CDH10: variants seen among roughly 807,000 people sequenced by gnomAD.
CDH10 encodes the protein cadherin 10.
In CDH10, 30 loss-of-function variants were observed where a neutral mutation model predicts 73.1. The ratio of observed to expected loss-of-function variants is 0.41; its 90% CI spans 0.31 to 0.56. The LOEUF is 0.56. Ranked by LOEUF, CDH10 falls within the 20% of genes least tolerant of loss-of-function variation. CDH10 has a pLI of 0.27. For missense variants in CDH10, 815 were observed against 973.7 expected (o/e 0.84, Z 2.17); for synonymous variants, 345 against 348.2 (o/e 0.99, Z 0.10).
intron 1 of CDH10, among the ~76,000 whole-genome samples, chr5:24,644,253 T>C (rs2112229215): frequency 1.3e-5 from 2 of 152,288 alleles, no homozygotes; most frequent in African/African-American, 4.8e-5. Flanking sequence ...AAAATAAAAA[T>C]GAACAAGTCT....
intron 5 of CDH10, among the ~76,000 whole-genome samples, chr5:24,527,267 A>G (rs1182020969): frequency 6.8e-6 from 1 of 148,014 alleles, no homozygotes; most frequent in Non-Finnish European, 1.5e-5. Flanking sequence ...ATAGTCTTAC[A>G]TATACTTATA....
At chr5:24,557,925 C>G (rs766439329) in intron 2 of CDH10, among the ~76,000 whole-genome samples, 1 of 151,704 alleles carries the variant, frequency 6.6e-6, no homozygotes, top group Non-Finnish European at 1.5e-5. Context: ...TTTGAGAAAG[C>G]ATTACAGCAG....
intron 5 of CDH10, among the ~76,000 whole-genome samples, chr5:24,517,235 C>T (rs1052476682): frequency 3.9e-5 from 6 of 152,062 alleles, no homozygotes; most frequent in Admixed American, 2.0e-4. Context: ...GTGAAGTAGT[C>T]GCACATTTTT....
intron 9 of CDH10, among the ~76,000 whole-genome samples, chr5:24,496,267 G>C (rs2111670712): frequency 6.6e-6 from 1 of 152,148 alleles, no homozygotes; most frequent in South Asian, 2.1e-4. Flanking sequence ...TTTCCATGAA[G>C]ATTAAAATCA....
chr5:24,556,936 T>A (rs1295226264), intron 2 of CDH10, among the ~76,000 whole-genome samples: 1 of 150,878 alleles, frequency 6.6e-6, no homozygotes, highest in East Asian at 1.9e-4. Flanking sequence ...TTCAAATTTT[T>A]TAAACCAAAT....
At chr5:24,523,984 A>C (rs1052908942) in intron 5 of CDH10, among the ~76,000 whole-genome samples, 2 of 152,128 alleles carry the variant, frequency 1.3e-5, no homozygotes, top group African/African-American at 4.8e-5. Context: ...TGTGTGCATG[A>C]ATGCACATAA....
chr5:24,537,944 AT>A (rs1419198779), intron 2 of CDH10, among the ~76,000 whole-genome samples: 23 of 152,072 alleles, frequency 1.5e-4, no homozygotes, highest in Non-Finnish European at 2.8e-4. Flanking sequence ...GTAAATATTC[AT>A]TTTTATGGGC....
Position 24,488,164 on chromosome 5 carries a change from G to A in CDH10, c.1877-11C>T, listed in dbSNP as rs766454620. The stretch of plus-strand genomic sequence containing the variant: ...ACAGTACTACTATAACTTGAAAAAA[G>A]ACAAGAAGATACATTAGACGTCCGT... On this transcript the variant is annotated splice_polypyrimidine_tract_variant and intron_variant, in intron 11 of 11. Transcript: ENST00000264463. 1 of 1,587,862 alleles carries A rather than the reference G, an allele frequency of 6.3e-7. No individual in the cohort carries two copies. Among genetic ancestry groups the A allele is most frequent in the Non-Finnish European group, 8.5e-7 (1 of 1,169,610 alleles).
At chr5:24,543,434 T>C (rs770488590) in intron 2 of CDH10, among the ~76,000 whole-genome samples, 1 of 152,198 alleles carries the variant, frequency 6.6e-6, no homozygotes, top group Non-Finnish European at 1.5e-5. Flanking sequence ...TCAAACAATT[T>C]ATGCTAAGTT....
intron 2 of CDH10, among the ~76,000 whole-genome samples, chr5:24,586,960 T>G (rs921557445): frequency 9.9e-5 from 15 of 150,914 alleles, no homozygotes; most frequent in Middle Eastern, 3.4e-3. Context: ...TTCTCCTGCT[T>G]CAGCCTCCCG....
intron 1 of CDH10, chr5:24,610,062 C>T (rs1746894383): frequency 6.6e-6 from 1 of 152,196 alleles, no homozygotes; most frequent in Non-Finnish European, 1.5e-5. Context: ...CAGAAACGCT[C>T]CATATTATTA....
At chr5:24,611,971 A>AAC (rs1170490273) in intron 1 of CDH10, 2 of 152,228 alleles carry the variant, frequency 1.3e-5, no homozygotes, top group Admixed American at 1.3e-4. Flanking sequence ...CCCATTGAGC[A>AAC]ACACCTCAGA....
intron 2 of CDH10, among the ~76,000 whole-genome samples, chr5:24,587,284 C>A (rs901289141): frequency 1.3e-5 from 2 of 152,186 alleles, no homozygotes; most frequent in African/African-American, 4.8e-5. Context: ...AATATATGAA[C>A]ATATGCCAAT....
intron 2 of CDH10, among the ~76,000 whole-genome samples, chr5:24,573,563 T>TG (rs2112030614): frequency 6.6e-6 from 1 of 151,682 alleles, no homozygotes; most frequent in East Asian, 2.0e-4. Context: ...TAGCCGAGCG[T>TG]GGTGGCGGGC....
chr5:24,588,170 T>A (rs970824699), intron 2 of CDH10, among the ~76,000 whole-genome samples: 1 of 151,998 alleles, frequency 6.6e-6, no homozygotes, highest in African/African-American at 2.4e-5. Context: ...CCCAAAGGAG[T>A]CTCTGTCAAT....
intron 10 of CDH10, 101 bp from the exon 11 acceptor site, chr5:24,491,928 A>T: frequency 1.5e-6 from 1 of 682,222 alleles, no homozygotes; most frequent in Non-Finnish European, 2.4e-6. Context: ...ATTTATGTAA[A>T]ATATAAAATT....
At chr5:24,491,518 C>A (rs1363807017) in intron 11 of CDH10, 58 bp downstream of exon 11, 1 of 1,490,804 alleles carries the variant, frequency 6.7e-7, no homozygotes, top group African/African-American at 1.4e-5. Flanking sequence ...AGCCACAATT[C>A]TTCAAAATCA....
In CDH10 at chr5:24,498,482, C is replaced by T. The variant is rs1443692085; in HGVS notation, c.1431G>A (p.Val477=). The part of the protein sequence containing the change: ...PKETTRVAVF[V]RILDVNDNAP... ...CATTGTCATTAACATCCAAAATTCT[C>T]ACAAAAACAGCCACGCGTGTTGTCT... is the stretch of plus-strand genomic sequence containing the variant. The change falls in exon 9 of 12, where the codon GTG becomes GTA. Residue 477 remains valine (V), a synonymous_variant. Coordinates refer to ENST00000264463, the MANE Select transcript of CDH10 (RefSeq NM_006727.5). 20 of 1,600,096 alleles carry T rather than the reference C, an allele frequency of 1.2e-5. No homozygotes were observed. Among genetic ancestry groups the T allele is most frequent in the Non-Finnish European group, 1.6e-5 (19 of 1,167,484 alleles).
chr5:24,542,768 T>A (rs1391616014), intron 2 of CDH10, among the ~76,000 whole-genome samples: 1 of 152,142 alleles, frequency 6.6e-6, no homozygotes, highest in African/African-American at 2.4e-5. Context: ...TTCTGGTTTA[T>A]AGATGATACC....
Sources: allele counts gnomAD v4.1 joint callset (sites outside exome capture counted in the v4.1 genomes callset), GRCh38; gene constraint gnomAD v4.1.1; transcripts MANE v1.5; gene names NCBI Gene and HGNC (gene_info 2026-07-23, HGNC 2026-07-21).